GPATCH8: variants seen among roughly 807,000 people sequenced by gnomAD.
The protein encoded by GPATCH8 is G patch domain-containing protein 8.
In GPATCH8, 18 loss-of-function variants were observed where a neutral mutation model predicts 118.3. The observed-to-expected ratio is 0.15, with a 90% CI of 0.11 to 0.23. The LOEUF (loss-of-function observed/expected upper bound fraction) is 0.23, where lower values mean the gene tolerates loss of function less well. Among genes scored for constraint, GPATCH8 ranks in the 10% least tolerant of loss-of-function variants. The pLI, the probability that GPATCH8 is intolerant of heterozygous loss-of-function variation, is 1.00. For missense variants in GPATCH8, 1,631 were observed against 1,873.8 expected (o/e 0.87, Z 2.39); for synonymous variants, 659 against 684.7 (o/e 0.96, Z 0.59).
At chr17:44,477,035 G>C (rs771964888) in intron 1 of GPATCH8, among the ~76,000 whole-genome samples, 1 of 152,104 alleles carries the variant, frequency 6.6e-6, no homozygotes, top group Non-Finnish European at 1.5e-5. Flanking sequence ...TCAGTCTTTT[G>C]GTCTAGCCTA....
intron 5 of GPATCH8, among the ~76,000 whole-genome samples, chr17:44,428,001 G>A (rs2050149988): frequency 6.6e-6 from 1 of 152,066 alleles, no homozygotes; most frequent in African/African-American, 2.4e-5. Context: ...AATAAAATAG[G>A]CCAGGCGTGG....
At position 44,399,515 on chromosome 17, in the gene GPATCH8, T is replaced by C; in HGVS notation, c.2562A>G (p.Ser854=). The C allele has an allele frequency of 6.2e-7, 1 of 1,614,140 alleles. No individual in the cohort carries two copies. Among genetic ancestry groups the C allele is most frequent in the Non-Finnish European group, 8.5e-7 (1 of 1,180,024 alleles). ...GCGAGGAATGGCGCCGGCCAGACCT[T>C]GAGCGGCTGCGGGAATGCTCACTGC... The part of the protein sequence containing the change: ...DSGSEHSRSR[S]RSGRRHSSHR... Residue 854 remains serine (S), a synonymous_variant, in exon 8 of 8, where the codon TCA becomes TCG. Coordinates refer to ENST00000591680, the MANE Select transcript of GPATCH8 (RefSeq NM_001002909.4).
chr17:44,476,634 C>T (rs934205853), intron 1 of GPATCH8, among the ~76,000 whole-genome samples: 1 of 152,120 alleles, frequency 6.6e-6, no homozygotes, highest in Non-Finnish European at 1.5e-5. Context: ...TAAACTAAAT[C>T]TGCTAAGACA....
rs1220685579 is a variant in GPATCH8 at position 44,395,302 on chromosome 17, T to C, written c.*2266A>G. On this transcript the variant is annotated 3_prime_UTR_variant, in exon 8 of 8. Transcript: ENST00000591680. ...TAAGTTTCCACAAATCATTGGTTTA[T>C]TAGAAAGTTCCTTTCCCTCATTTTA... 7.8e-6 allele frequency: 3 copies of C among 385,504 alleles called. No individual in the cohort carries two copies. Among genetic ancestry groups the C allele is most frequent in the Non-Finnish European group, 1.5e-5 (3 of 198,414 alleles). 23.9% of individuals were successfully genotyped at this position (385,504 alleles called of 1,614,324 possible). A position where few individuals can be genotyped will look rare whatever the true frequency, so the allele number is the denominator to read the frequency against.
intron 3 of GPATCH8, among the ~76,000 whole-genome samples, chr17:44,443,087 AAG>A (rs1206658010): frequency 6.6e-6 from 1 of 151,950 alleles, no homozygotes; most frequent in Non-Finnish European, 1.5e-5. Context: ...AAAAAGAGAA[AAG>A]AGGGGAAAAA....
rs879705633 is a variant in GPATCH8 at position 44,413,599 on chromosome 17, C to CCAGG, written c.493-7549_493-7548insCCTG. ...CAAGCGATTCTCCTGCCTCAGCCTC[C>CCAGG]TGAGAAGCTGGGACCATAGATGCGT... On this transcript the variant is annotated intron_variant, in intron 6 of 7. Coordinates refer to ENST00000591680, the MANE Select transcript of GPATCH8 (RefSeq NM_001002909.4). 7.4e-3 allele frequency among the ~76,000 whole-genome samples: 1,133 copies of CCAGG among 152,318 alleles called. 9 individuals carry two copies. Among genetic ancestry groups the CCAGG allele is most frequent in the Non-Finnish European group, 0.013 (872 of 68,034 alleles).
intron 3 of GPATCH8, among the ~76,000 whole-genome samples, chr17:44,460,474 C>T (rs2051502591): frequency 6.6e-6 from 1 of 152,132 alleles, no homozygotes; most frequent in Admixed American, 6.5e-5. Context: ...CCACAGATAA[C>T]TTCATTCCAG....
chr17:44,409,655 T>C (rs1019308321), intron 6 of GPATCH8, among the ~76,000 whole-genome samples: 2 of 152,208 alleles, frequency 1.3e-5, no homozygotes, highest in African/African-American at 4.8e-5. Context: ...CCAATCCACT[T>C]ATTACTAGGT....
rs2736975 is a variant in GPATCH8 at position 44,400,039 on chromosome 17, T to C, written c.2038A>G (p.Lys680Glu). ...GKSHRHKKKK[K>E]HKKSSKHKRK... ...TTGTGTTTGCTGGATTTTTTGTGCTTCTTTTTCTTTTTGTGCCGGTGGGAC... is the reference window on the plus strand; with the variant it reads ...TTGTGTTTGCTGGATTTTTTGTGCTCCTTTTTCTTTTTGTGCCGGTGGGAC... The change falls in exon 8 of 8, where the codon AAG (lysine) becomes GAG (glutamate). Residue 680 changes from lysine to glutamate, a missense_variant. Physicochemically the swap from Lys to Glu is moderately conservative, Grantham distance 56. This residue lies in a region of GPATCH8 where 922 missense variants were observed against 879.7 expected (regional missense o/e 1.05). Transcript: ENST00000591680. 6.2e-7 allele frequency: 1 copy of C among 1,614,134 alleles called. No individual in the cohort carries two copies. Among genetic ancestry groups the C allele is most frequent in the Non-Finnish European group, 8.5e-7 (1 of 1,180,020 alleles).
At chr17:44,425,166 T>G (rs1248938925) in intron 5 of GPATCH8, among the ~76,000 whole-genome samples, 4 of 152,082 alleles carry the variant, frequency 2.6e-5, no homozygotes, top group Non-Finnish European at 4.4e-5. Context: ...GCAAGTTGAG[T>G]ATATTCATTT....
At chr17:44,436,283 C>T (rs1215947683) in intron 4 of GPATCH8, among the ~76,000 whole-genome samples, 195 bp downstream of exon 4, 2 of 152,100 alleles carry the variant, frequency 1.3e-5, no homozygotes, top group East Asian at 3.9e-4. Flanking sequence ...GTTAAAACAG[C>T]AGCTCTGTTT....
intron 2 of GPATCH8, chr17:44,466,072 C>G (rs1179151101): frequency 6.6e-6 from 1 of 152,152 alleles, no homozygotes; most frequent in Non-Finnish European, 1.5e-5. Flanking sequence ...GGCTGGTGTA[C>G]AGTGGTGCAA....
intron 1 of GPATCH8, among the ~76,000 whole-genome samples, chr17:44,480,541 C>G (rs1284447828): frequency 2.0e-5 from 3 of 151,958 alleles, no homozygotes; most frequent in Non-Finnish European, 4.4e-5. Context: ...CATGGAGAAA[C>G]CTCGTCTCTA....
At position 44,439,302 on chromosome 17, in the gene GPATCH8, C is replaced by G. The variant is rs183084867; in HGVS notation, c.194-2757G>C. 5.3e-4 allele frequency among the ~76,000 whole-genome samples: 80 copies of G among 152,220 alleles called. 1 individual carries two copies. Among genetic ancestry groups the G allele is most frequent in the Admixed American group, 2.0e-3 (30 of 15,272 alleles). Reference sequence around the variant, plus strand: ...GAATACAACTCTTTAAGTGGCTCTCCTCAGAACTTTGCTTCCTGTTAACCG... The same window carrying G: ...GAATACAACTCTTTAAGTGGCTCTCGTCAGAACTTTGCTTCCTGTTAACCG... On this transcript the variant is annotated intron_variant, in intron 3 of 7. Coordinates refer to ENST00000591680, the MANE Select transcript of GPATCH8 (RefSeq NM_001002909.4).
Position 44,415,793 on chromosome 17 carries a change from G to C in GPATCH8, c.492+8556C>G, listed in dbSNP as rs550386454. On this transcript the variant is annotated intron_variant, in intron 6 of 7. Coordinates refer to ENST00000591680, the MANE Select transcript of GPATCH8 (RefSeq NM_001002909.4). ...CATCACTGTGATAAATTAAGTGTAA[G>C]GGGCAGAAAGGTTGAAACTGTAGAA... Among the ~76,000 whole-genome samples the C allele has an allele frequency of 2.6e-5, 4 of 152,332 alleles. No homozygotes were observed. In the East Asian group the frequency reaches 7.7e-4, roughly 29 times the overall value.
At chr17:44,436,571 T>G in intron 3 of GPATCH8, 26 bp from the exon 4 acceptor site, 1 of 1,207,100 alleles carries the variant, frequency 8.3e-7, no homozygotes, top group Admixed American at 1.7e-5. Context: ...ATAATCAAGG[T>G]AAGGTGCAAA....
chr17:44,467,215 A>G, intron 2 of GPATCH8: 2 of 409,022 alleles, frequency 4.9e-6, no homozygotes, highest in South Asian at 3.7e-5. Flanking sequence ...GCTTGCAAGT[A>G]ATGTATTTAT....
rs1452365762 is a variant in GPATCH8 at position 44,400,639 on chromosome 17, C to T, written c.1438G>A (p.Ala480Thr). Residue 480 changes from alanine (A) to threonine (T), a missense_variant, in exon 8 of 8, where the codon GCT becomes ACT. Ala to Thr is a moderately conservative substitution (Grantham distance 58, BLOSUM62 0). Around this residue, in one of 8 missense-constraint regions of GPATCH8, gnomAD observed 405 missense variants for 462.7 expected, o/e 0.88. Coordinates refer to ENST00000591680, the MANE Select transcript of GPATCH8 (RefSeq NM_001002909.4). ...MTEPSEPGSK[A>T]EAKKALGGDV... The stretch of plus-strand genomic sequence containing the variant: ...CCTCCTAAGGCCTTCTTTGCCTCAG[C>T]TTTGCTTCCTGGTTCTGAGGGCTCG... 6.2e-7 allele frequency: 1 copy of T among 1,613,772 alleles called. No homozygotes were observed. The highest frequency in any genetic ancestry group is 8.5e-7 in the Non-Finnish European group (1 of 1,179,724).
At chr17:44,471,273 C>T (rs1967259327) in intron 2 of GPATCH8, among the ~76,000 whole-genome samples, 1 of 152,086 alleles carries the variant, frequency 6.6e-6, no homozygotes, top group Non-Finnish European at 1.5e-5. Flanking sequence ...ATTGAAATAC[C>T]AATATCTCAC....
Sources: gnomAD v4.1 joint callset for allele counts (sites outside exome capture counted in the v4.1 genomes callset) on GRCh38, gnomAD v4.1.1 for gene constraint, gnomAD v4.1.1 regional missense constraint, MANE v1.5 for transcripts, NCBI Gene and HGNC (gene_info 2026-07-23, HGNC 2026-07-21) for gene names.